Variants in ARHGEF28 observed in about 807,000 individuals in gnomAD.
ARHGEF28 encodes Rho guanine nucleotide exchange factor 28.
In ARHGEF28, 152 loss-of-function variants were observed where a neutral mutation model predicts 206.6. The ratio of observed to expected loss-of-function variants is 0.74; its 90% CI spans 0.64 to 0.84. The LOEUF is 0.84. Ranked by LOEUF, ARHGEF28 falls within the 40% of genes least tolerant of loss-of-function variation. The pLI, the probability that ARHGEF28 is intolerant of heterozygous loss-of-function variation, is 0.00. For synonymous variants in ARHGEF28, 763 were observed against 776.4 expected, an observed-to-expected ratio of 0.98 and a Z score of 0.29; for missense variants, 2,028 against 2,073.2, an observed-to-expected ratio of 0.98 and a Z score of 0.42.
intron 10 of ARHGEF28, among the ~76,000 whole-genome samples, chr5:73,837,251 G>A (rs2112569331): frequency 6.6e-6 from 1 of 152,032 alleles, no homozygotes; most frequent in East Asian, 1.9e-4. Context: ...GTTCACTTTG[G>A]GTAGTATGGA....
intron 12 of ARHGEF28, among the ~76,000 whole-genome samples, chr5:73,847,467 C>A (rs77070419): frequency 0.011 from 1,602 of 152,124 alleles, 24 homozygotes; most frequent in African/African-American, 0.037. Context: ...TATCCTTTAC[C>A]CTCTGCTCTA....
intron 35 of ARHGEF28, among the ~76,000 whole-genome samples, chr5:73,933,528 A>G (rs1764249332): frequency 6.6e-6 from 1 of 152,240 alleles, no homozygotes; most frequent in South Asian, 2.1e-4. Context: ...TTCCATTTAT[A>G]TCAGATATAT....
At chr5:73,894,254 A>C in intron 28 of ARHGEF28, 139 bp from the exon 29 acceptor site, 2 of 783,094 alleles carry the variant, frequency 2.6e-6, no homozygotes, top group South Asian at 3.6e-5. Flanking sequence ...TGAGACCTGC[A>C]TCTGCCCCAC....
At position 73,635,364 on chromosome 5, in the gene ARHGEF28, A is replaced by AT. The variant is rs538487932; in HGVS notation, c.-12+9052dup. Among the ~76,000 whole-genome samples, 402 of 150,062 alleles carry AT rather than the reference A, an allele frequency of 2.7e-3. 2 individuals are homozygous for AT. The highest frequency in any genetic ancestry group is 6.8e-3 in the Middle Eastern group (2 of 294). On this transcript the variant is annotated intron_variant, in intron 1 of 35. Transcript: ENST00000513042. ...CATCTCAAAAAAAAGAAAGAAAGCC[A>AT]TTTTTTTTTTATCATTTATGTATGA...
intron 21 of ARHGEF28, among the ~76,000 whole-genome samples, chr5:73,871,801 C>T (rs1760123604): frequency 6.6e-6 from 1 of 152,218 alleles, no homozygotes; most frequent in Non-Finnish European, 1.5e-5. Context: ...CACTAGTCTA[C>T]TTTCTGTCTC....
intron 2 of ARHGEF28, among the ~76,000 whole-genome samples, chr5:73,708,426 C>G (rs1017533842): frequency 1.1e-4 from 16 of 152,116 alleles, no homozygotes; most frequent in African/African-American, 3.1e-4. Context: ...CAATATTTAG[C>G]TCCCACTTAT....
rs116281422 is a variant in ARHGEF28, at chr5:73,695,439, G to A, written c.33+10555G>A. Among the ~76,000 whole-genome samples, 1,421 of 152,128 alleles carry A rather than the reference G, an allele frequency of 9.3e-3. 13 individuals carry two copies. The highest frequency in any genetic ancestry group is 0.031 in the African/African-American group (1,290 of 41,498). ...AAGACTCCCACATGTGGGCCCTCTCGTCTTGACCTCTGCCCAGGCCTCGTC... is the reference window on the plus strand; with the variant it reads ...AAGACTCCCACATGTGGGCCCTCTCATCTTGACCTCTGCCCAGGCCTCGTC... On this transcript the variant is annotated intron_variant, in intron 2 of 35. Coordinates refer to ENST00000513042, the MANE Select transcript of ARHGEF28 (RefSeq NM_001177693.2).
chr5:73,908,294 G>GT (rs1241040034), intron 33 of ARHGEF28: 1 of 152,100 alleles, frequency 6.6e-6, no homozygotes, highest in Non-Finnish European at 1.5e-5. Context: ...ACTTTCAAAA[G>GT]TATAGGAAAC....
chr5:73,686,515 C>A (rs1327149136), intron 2 of ARHGEF28, among the ~76,000 whole-genome samples: 4 of 149,116 alleles, frequency 2.7e-5, no homozygotes, highest in African/African-American at 9.9e-5. Flanking sequence ...TTTTCTTTTT[C>A]TTTTCTTTTT....
chr5:73,814,101 A>G (rs942576709), intron 9 of ARHGEF28, among the ~76,000 whole-genome samples: 1 of 152,108 alleles, frequency 6.6e-6, no homozygotes, highest in African/African-American at 2.4e-5. Context: ...TTAGTTTTCA[A>G]GTGTATAGTA....
rs1353111595 is a variant in ARHGEF28 at position 73,892,117 on chromosome 5, A to T, written c.3453A>T (p.Arg1151Ser). 2 of 1,595,764 alleles carry T rather than the reference A, an allele frequency of 1.3e-6. No individual in the cohort carries two copies. The highest frequency in any genetic ancestry group is 1.7e-5 in the Admixed American group (1 of 57,546). ...LIAREVANEE[R>S]GMFLISASSA... ...CTAGAGAAGTTGCTAATGAGGAGAG[A>T]GGAATGTTTCTGATCAGTGCTTCAT... is the stretch of plus-strand genomic sequence containing the variant. The change falls in exon 27 of 36, where the codon AGA becomes AGT. Residue 1151 changes from arginine (R) to serine (S), a missense_variant. By Grantham distance (110) the Arg-to-Ser change is moderately radical. Transcript: ENST00000513042.
chr5:73,640,655 C>A lies in ARHGEF28; in HGVS notation c.-12+14333C>A, dbSNP rs147036405. On this transcript the variant is annotated intron_variant, in intron 1 of 35. Coordinates refer to ENST00000513042, the MANE Select transcript of ARHGEF28 (RefSeq NM_001177693.2). ...AATTAAACTTGAGGAGGGTTTAAAT[C>A]TAGCTTAATTTAGATGAGTGTTTTG... Among the ~76,000 whole-genome samples the A allele has an allele frequency of 2.0e-5, 3 of 152,274 alleles. No homozygotes were observed. In the East Asian group the frequency reaches 5.8e-4, roughly 29 times the overall value.
Position 73,776,533 on chromosome 5 carries a change from C to T in ARHGEF28, c.677C>T (p.Ser226Phe). 1 of 1,611,412 alleles carries T rather than the reference C, an allele frequency of 6.2e-7. No individual in the cohort carries two copies. The highest frequency in any genetic ancestry group is 2.2e-5 in the East Asian group (1 of 44,852). The change falls in exon 6 of 36, where the codon TCC becomes TTC. Residue 226 changes from serine (S) to phenylalanine (F), a missense_variant. By Grantham distance (155) the Ser-to-Phe change is radical. Coordinates refer to ENST00000513042, the MANE Select transcript of ARHGEF28 (RefSeq NM_001177693.2). Reference protein sequence around the residue: ...EDVTNFQGRWSPSFSRVQLSE... With the variant: ...EDVTNFQGRWFPSFSRVQLSE... ...TGTTTCAGTTTTCAGGGCAGATGGT[C>T]CCCAAGCTTCTCCCGAGTGCAGCTC...
At chr5:73,674,647 G>A (rs924930374) in intron 1 of ARHGEF28, among the ~76,000 whole-genome samples, 4 of 152,162 alleles carry the variant, frequency 2.6e-5, no homozygotes, top group Admixed American at 1.3e-4. Flanking sequence ...GGTAGTTTCA[G>A]GATAGGCACT....
chr5:73,867,367 G>A (rs780256902), intron 18 of ARHGEF28, among the ~76,000 whole-genome samples: 4 of 152,214 alleles, frequency 2.6e-5, no homozygotes, highest in Non-Finnish European at 5.9e-5. Flanking sequence ...CCATGTGTGA[G>A]AGAGAATAGC....
At chr5:73,637,795 A>C (rs1246446506) in intron 1 of ARHGEF28, among the ~76,000 whole-genome samples, 2 of 152,238 alleles carry the variant, frequency 1.3e-5, no homozygotes. Flanking sequence ...AATGCTGACA[A>C]ATTAGCTGCC....
chr5:73,881,293 A>G (rs527370903), intron 22 of ARHGEF28, among the ~76,000 whole-genome samples: 1 of 151,894 alleles, frequency 6.6e-6, no homozygotes, highest in Non-Finnish European at 1.5e-5. Flanking sequence ...TTCCTTTTTC[A>G]TATATATTCT....
At chr5:73,774,971 T>C (rs1753461359) in intron 5 of ARHGEF28, among the ~76,000 whole-genome samples, 1 of 152,244 alleles carries the variant, frequency 6.6e-6, no homozygotes. Flanking sequence ...TTTATAGTTA[T>C]GTAGTACATA....
chr5:73,909,238 C>T (rs568572424), intron 33 of ARHGEF28, 174 bp from the exon 34 acceptor site: 27 of 874,726 alleles, frequency 3.1e-5, no homozygotes, highest in Non-Finnish European at 4.6e-5. Flanking sequence ...GTAGACACAC[C>T]TCTCTGGAAC....
Sources: gnomAD v4.1 joint callset for allele counts (sites outside exome capture counted in the v4.1 genomes callset) on GRCh38, gnomAD v4.1.1 for gene constraint, MANE v1.5 for transcripts, NCBI Gene and HGNC (gene_info 2026-07-23, HGNC 2026-07-21) for gene names.